CAP2: variants seen among roughly 807,000 people sequenced by gnomAD.
CAP2 encodes the protein adenylyl cyclase-associated protein 2.
A neutral mutation model predicts 57.7 loss-of-function variants in CAP2; 24 were observed. The ratio of observed to expected loss-of-function variants is 0.42; its 90% CI spans 0.30 to 0.58. CAP2 has a LOEUF of 0.58. CAP2 is among the 20% of genes least tolerant of loss of function. The pLI is 0.22. For missense variants in CAP2, 501 were observed against 590.3 expected (o/e 0.85, Z 1.57); for synonymous variants, 194 against 207.2 (o/e 0.94, Z 0.55).
chr6:17,423,586 T>A (rs1026094483), intron 2 of CAP2, among the ~76,000 whole-genome samples: 1 of 151,946 alleles, frequency 6.6e-6, no homozygotes, highest in African/African-American at 2.4e-5. Flanking sequence ...AAAGTTAAAA[T>A]CTAACTACCG....
chr6:17,516,208 A>G lies in CAP2; in HGVS notation c.636+2254A>G, dbSNP rs537629634. Among the ~76,000 whole-genome samples, 3 of 152,200 alleles carry G rather than the reference A, an allele frequency of 2.0e-5. No individual in the cohort carries two copies. In the East Asian group the frequency reaches 5.8e-4, roughly 29 times the overall value. The stretch of plus-strand genomic sequence containing the variant: ...TGCATCTTGAGTATACCTCAGTCAT[A>G]TCCTTAGCATGTGGAATGGTGCTTT... On this transcript the variant is annotated intron_variant, in intron 7 of 12. Transcript: ENST00000229922.
At chr6:17,542,748 C>A in intron 9 of CAP2, 89 bp from the exon 10 acceptor site, 1 of 1,027,834 alleles carries the variant, frequency 9.7e-7, no homozygotes, top group Non-Finnish European at 1.5e-6. Flanking sequence ...CAAAGCCATA[C>A]TTCATGCTGA....
chr6:17,459,319 C>T (rs954422744), intron 3 of CAP2, among the ~76,000 whole-genome samples: 1 of 152,208 alleles, frequency 6.6e-6, no homozygotes, highest in African/African-American at 2.4e-5. Flanking sequence ...CCTGTTCTAG[C>T]AGGCCTTAAA....
chr6:17,421,649 T>C lies in CAP2; in HGVS notation c.94T>C (p.Cys32Arg). 1 of 1,614,194 alleles carries C rather than the reference T, an allele frequency of 6.2e-7. No individual in the cohort carries two copies. Among genetic ancestry groups the C allele is most frequent in the Non-Finnish European group, 8.5e-7 (1 of 1,180,002 alleles). ...AGAGTCCCACAGGCCCCCTGGGAAC[T>C]GCGGGGAAGTCAATGGTGTCATTGC... ...SAESHRPPGN[C>R]GEVNGVIAGV... Residue 32 changes from cysteine (C) to arginine (R), a missense_variant, in exon 2 of 13, where the codon TGC (cysteine) becomes CGC (arginine). Physicochemically the swap from Cys to Arg is radical, Grantham distance 180. Coordinates refer to ENST00000229922, the MANE Select transcript of CAP2 (RefSeq NM_006366.3).
At chr6:17,545,374 A>C (rs922533539) in intron 11 of CAP2, among the ~76,000 whole-genome samples, 2 of 152,192 alleles carry the variant, frequency 1.3e-5, no homozygotes, top group Non-Finnish European at 2.9e-5. Context: ...TACACAACCA[A>C]GTAAATTAAG....
At chr6:17,471,921 T>C (rs530432562) in intron 4 of CAP2, among the ~76,000 whole-genome samples, 6 of 152,306 alleles carry the variant, frequency 3.9e-5, no homozygotes, top group East Asian at 3.9e-4. Context: ...GTGGTCTGGA[T>C]TGACAGTTTC....
chr6:17,531,983 C>G (rs1210124956), intron 7 of CAP2, among the ~76,000 whole-genome samples: 1 of 152,084 alleles, frequency 6.6e-6, no homozygotes, highest in East Asian at 1.9e-4. Context: ...CATCAAGTAC[C>G]CCATTCCCAG....
chr6:17,448,953 G>C (rs1760334793), intron 3 of CAP2, among the ~76,000 whole-genome samples: 1 of 152,098 alleles, frequency 6.6e-6, no homozygotes, highest in African/African-American at 2.4e-5. Flanking sequence ...GTAAAGACAG[G>C]GTTTCACTAT....
intron 4 of CAP2, among the ~76,000 whole-genome samples, chr6:17,502,030 A>T (rs886978100): frequency 1.3e-5 from 2 of 152,210 alleles, no homozygotes; most frequent in African/African-American, 4.8e-5. Context: ...GTGAGACGTT[A>T]ACAAAAAGTA....
chr6:17,408,912 G>C (rs866171884), intron 1 of CAP2, among the ~76,000 whole-genome samples: 10 of 151,114 alleles, frequency 6.6e-5, no homozygotes, highest in Non-Finnish European at 1.5e-4. Context: ...CTTGTGATCC[G>C]CCAGCCTCGG....
At chr6:17,401,732 A>G (rs1049482636) in intron 1 of CAP2, among the ~76,000 whole-genome samples, 2 of 152,192 alleles carry the variant, frequency 1.3e-5, no homozygotes, top group Admixed American at 1.3e-4. Context: ...TTTTAAGTTT[A>G]CATTTTTATT....
chr6:17,459,393 C>T (rs532397286), intron 3 of CAP2, among the ~76,000 whole-genome samples: 1 of 152,250 alleles, frequency 6.6e-6, no homozygotes, highest in Admixed American at 6.5e-5. Flanking sequence ...AAGCTGATCT[C>T]CAATATGATG....
chr6:17,514,039 A>C, intron 7 of CAP2, 85 bp downstream of exon 7: 1 of 849,102 alleles, frequency 1.2e-6, no homozygotes, highest in Non-Finnish European at 2.0e-6. Context: ...CACACCTTAA[A>C]ACTTACCTCA....
At chr6:17,420,108 G>A (rs1759397601) in intron 1 of CAP2, among the ~76,000 whole-genome samples, 1 of 152,098 alleles carries the variant, frequency 6.6e-6, no homozygotes, top group Non-Finnish European at 1.5e-5. Flanking sequence ...CTGACTTCGT[G>A]ATCCGCCTGC....
intron 7 of CAP2, among the ~76,000 whole-genome samples, chr6:17,538,717 C>T (rs1018565956): frequency 6.6e-6 from 1 of 152,148 alleles, no homozygotes; most frequent in Non-Finnish European, 1.5e-5. Context: ...CACATATGCT[C>T]CTTGTTTGGG....
chr6:17,493,775 C>CAAA (rs10647199), intron 4 of CAP2, among the ~76,000 whole-genome samples: 79 of 103,604 alleles, frequency 7.6e-4, no homozygotes, highest in East Asian at 1.3e-3. Flanking sequence ...GAGGAGGGGG[C>CAAA]AAAAAAAAAA....
At chr6:17,521,561 C>T (rs953002536) in intron 7 of CAP2, among the ~76,000 whole-genome samples, 1 of 152,200 alleles carries the variant, frequency 6.6e-6, no homozygotes, top group African/African-American at 2.4e-5. Flanking sequence ...CTACTATGCA[C>T]TGAGTTCTGG....
At chr6:17,537,867 G>A (rs1279545207) in intron 7 of CAP2, among the ~76,000 whole-genome samples, 3 of 152,054 alleles carry the variant, frequency 2.0e-5, no homozygotes, top group African/African-American at 7.2e-5. Flanking sequence ...AGGAGTTCGA[G>A]ACCAGCCTGA....
intron 3 of CAP2, among the ~76,000 whole-genome samples, chr6:17,439,728 T>G (rs60793140): frequency 0.072 from 10,948 of 151,444 alleles, 1,679 homozygotes; most frequent in African/African-American, 0.25. Flanking sequence ...CATGCTCCTA[T>G]GAGAATCTAA....
Sources: allele counts gnomAD v4.1 joint callset (sites outside exome capture counted in the v4.1 genomes callset), GRCh38; gene constraint gnomAD v4.1.1; transcripts MANE v1.5; gene names NCBI Gene and HGNC (gene_info 2026-07-23, HGNC 2026-07-21).